Variants in NFU1 observed in about 807,000 individuals in gnomAD.
NFU1 encodes the protein NFU1 iron-sulfur cluster scaffold.
In NFU1, 30 loss-of-function variants were observed where a neutral mutation model predicts 32.2. That is an observed-to-expected ratio of 0.93 (90% CI 0.70 to 1.26). NFU1 has a LOEUF of 1.26. NFU1 is among the 50% of genes most tolerant of loss of function. The pLI, the probability that NFU1 is intolerant of heterozygous loss-of-function variation, is 0.00. For missense variants in NFU1, 306 were observed against 306.6 expected (o/e 1.00, Z 0.02); for synonymous variants, 112 against 104.6 (o/e 1.07, Z -0.43).
chr2:69,419,022 T>C (rs76234591), intron 4 of NFU1, among the ~76,000 whole-genome samples: 5,343 of 152,156 alleles, frequency 0.035, 335 homozygotes, highest in African/African-American at 0.12. Context: ...TTGAAAAACA[T>C]AGCATATTTT....
chr2:69,419,339 A>G (rs1398995370), intron 4 of NFU1, among the ~76,000 whole-genome samples, 199 bp downstream of exon 4: 3 of 152,158 alleles, frequency 2.0e-5, no homozygotes, highest in African/African-American at 7.2e-5. Context: ...AAAAAAAGAA[A>G]AAGAAAAGAA....
intron 3 of NFU1, among the ~76,000 whole-genome samples, chr2:69,423,019 C>T (rs1319485158): frequency 6.6e-6 from 1 of 151,906 alleles, no homozygotes; most frequent in African/African-American, 2.4e-5. Flanking sequence ...CTCTGTTGCC[C>T]AGGCTGGAGT....
chr2:69,438,934 G>T (rs1036997410), upstream of NFU1, among the ~76,000 whole-genome samples: 1 of 121,576 alleles, frequency 8.2e-6, no homozygotes, highest in East Asian at 2.4e-4. Context: ...ATTCTAGACC[G>T]CAAGGCAGTC....
At chr2:69,422,483 T>G (rs1395065902) in intron 3 of NFU1, among the ~76,000 whole-genome samples, 1 of 152,120 alleles carries the variant, frequency 6.6e-6, no homozygotes, top group Non-Finnish European at 1.5e-5. Flanking sequence ...ATTTTAGAAA[T>G]TATTCCATCT....
chr2:69,399,773 T>C (rs1672455501), intron 7 of NFU1, among the ~76,000 whole-genome samples: 1 of 152,178 alleles, frequency 6.6e-6, no homozygotes, highest in Non-Finnish European at 1.5e-5. Flanking sequence ...CTCTGTAGCC[T>C]TATGTGCAAA....
intron 6 of NFU1, among the ~76,000 whole-genome samples, chr2:69,403,932 A>G (rs1333382918): frequency 2.0e-5 from 3 of 149,754 alleles, no homozygotes; most frequent in Admixed American, 1.3e-4. Flanking sequence ...TCCGCCTCCC[A>G]GGTTCACGCC....
upstream of NFU1, chr2:69,437,686 A>G: frequency 1.7e-6 from 1 of 583,668 alleles, no homozygotes; most frequent in Non-Finnish European, 3.1e-6. Context: ...GTGTTTCCGT[A>G]CTTTGTTTTC....
intron 4 of NFU1, among the ~76,000 whole-genome samples, chr2:69,416,692 A>C (rs1367912198): frequency 6.6e-6 from 1 of 152,080 alleles, no homozygotes; most frequent in Non-Finnish European, 1.5e-5. Flanking sequence ...TGAGGTCAGG[A>C]GTTTGAGACC....
rs533279530 is a variant in NFU1, at chr2:69,415,482, C to G, written c.370-183G>C. Among the ~76,000 whole-genome samples the G allele has an allele frequency of 4.6e-5, 7 of 151,724 alleles. No homozygotes were observed. The South Asian group carries it at 1.5e-3, about 32-fold the overall frequency. ...GCAACCTCCGCCTCCTGGGTTCAAG[C>G]GATTCTCCTGCCTCAGCCTCCCAAG... On this transcript the variant is annotated intron_variant, in intron 4 of 7. Coordinates refer to ENST00000410022, the MANE Select transcript of NFU1 (RefSeq NM_001002755.4).
intron 2 of NFU1, among the ~76,000 whole-genome samples, chr2:69,426,610 T>C (rs1244322550): frequency 6.6e-6 from 1 of 152,166 alleles, no homozygotes; most frequent in Non-Finnish European, 1.5e-5. Flanking sequence ...ATATCTTTTT[T>C]CTAGGACCAT....
intron 5 of NFU1, among the ~76,000 whole-genome samples, chr2:69,414,618 TAAAAAAAAAAAA>T (rs57180785): frequency 2.5e-5 from 2 of 81,218 alleles, no homozygotes; most frequent in Admixed American, 2.9e-4. Flanking sequence ...AGTCTGTCTC[TAAAAAAAAAAAA>T]AAAAAAAAAA....
intron 2 of NFU1, among the ~76,000 whole-genome samples, chr2:69,428,196 A>T (rs1024540176): frequency 6.6e-6 from 1 of 151,940 alleles, no homozygotes; most frequent in South Asian, 2.1e-4. Flanking sequence ...AGGCCAAGGC[A>T]GGCGGATCAC....
chr2:69,397,065 C>T (rs1353807091), intron 7 of NFU1, among the ~76,000 whole-genome samples: 1 of 149,476 alleles, frequency 6.7e-6, no homozygotes, highest in Non-Finnish European at 1.5e-5. Flanking sequence ...TAGAGCAAGA[C>T]TCCGTCTCAA....
chr2:69,437,899 CTG>C (rs1212798004), upstream of NFU1, among the ~76,000 whole-genome samples: 1 of 152,206 alleles, frequency 6.6e-6, no homozygotes, highest in Non-Finnish European at 1.5e-5. Context: ...TGATGTGGAA[CTG>C]TGTCTAACCC....
upstream of NFU1, among the ~76,000 whole-genome samples, chr2:69,438,740 TG>T (rs1673943739): frequency 6.6e-6 from 1 of 151,642 alleles, no homozygotes; most frequent in Admixed American, 6.6e-5. Flanking sequence ...TCTAAGAGGG[TG>T]GGTGGGTTTC....
At chr2:69,422,242 G>A (rs1673270781) in intron 3 of NFU1, among the ~76,000 whole-genome samples, 1 of 152,148 alleles carries the variant, frequency 6.6e-6, no homozygotes, top group South Asian at 2.1e-4. Context: ...GGAGGACAGA[G>A]CAAGATTTCA....
chr2:69,428,078 C>A (rs1158389919), intron 2 of NFU1, among the ~76,000 whole-genome samples: 1 of 152,038 alleles, frequency 6.6e-6, no homozygotes, highest in Non-Finnish European at 1.5e-5. Context: ...AATCCTCCAT[C>A]TTACAGCAGT....
At chr2:69,396,595 G>A (rs1261895932) in intron 7 of NFU1, among the ~76,000 whole-genome samples, 1 of 152,092 alleles carries the variant, frequency 6.6e-6, no homozygotes, top group Non-Finnish European at 1.5e-5. Flanking sequence ...AGAGCTTGCA[G>A]TGAGCCGAGA....
chr2:69,418,399 T>C (rs1484773251), intron 4 of NFU1, among the ~76,000 whole-genome samples: 1 of 152,188 alleles, frequency 6.6e-6, no homozygotes, highest in African/African-American at 2.4e-5. Context: ...ACTTTGTCTC[T>C]AAATAAATAG....
Sources: allele counts gnomAD v4.1 joint callset (sites outside exome capture counted in the v4.1 genomes callset), GRCh38; gene constraint gnomAD v4.1.1; transcripts MANE v1.5; gene names NCBI Gene and HGNC (gene_info 2026-07-23, HGNC 2026-07-21).